TNFSF4: variants seen among roughly 807,000 people sequenced by gnomAD.
TNFSF4 encodes tumor necrosis factor ligand superfamily member 4.
Under a neutral mutation model 7.3 loss-of-function variants are expected in TNFSF4, and 4 were observed. That is an observed-to-expected ratio of 0.55 (90% CI 0.27 to 1.25). The LOEUF is 1.25. TNFSF4 is among the 50% of genes most tolerant of loss of function. TNFSF4 has a pLI of 0.12. For synonymous variants in TNFSF4, 76 were observed against 83.7 expected (o/e 0.91, Z 0.50); for missense variants, 181 against 208.8 (o/e 0.87, Z 0.82).
At chr1:173,342,814 A>C in the TNFSF4 span, among the ~76,000 whole-genome samples, 1 of 152,242 alleles carries the variant, frequency 6.6e-6, no homozygotes, top group Admixed American at 6.5e-5. Context: ...TGTCTTGGCC[A>C]AAGAGAAAAG....
the TNFSF4 span, among the ~76,000 whole-genome samples, chr1:173,230,724 C>A: frequency 6.6e-6 from 1 of 151,976 alleles, no homozygotes; most frequent in East Asian, 1.9e-4. Context: ...CAAATAGACA[C>A]AATAAAAAAT....
At chr1:173,400,799 C>A in the TNFSF4 span, among the ~76,000 whole-genome samples, 1 of 152,176 alleles carries the variant, frequency 6.6e-6, no homozygotes, top group East Asian at 1.9e-4. Flanking sequence ...GACAGAACTA[C>A]TAATGGCCCA....
the TNFSF4 span, among the ~76,000 whole-genome samples, chr1:173,337,178 G>A: frequency 6.6e-6 from 1 of 152,156 alleles, no homozygotes; most frequent in Non-Finnish European, 1.5e-5. Flanking sequence ...AGGCCCCTAG[G>A]ATTTTGGAGC....
At chr1:173,208,219 A>T (rs1233038356), upstream of TNFSF4, among the ~76,000 whole-genome samples, 1 of 152,218 alleles carries the variant, frequency 6.6e-6, no homozygotes, top group Admixed American at 6.5e-5. Context: ...GTAAAGTTCA[A>T]ATGGGCAAAT....
downstream of TNFSF4, among the ~76,000 whole-genome samples, chr1:173,180,215 A>G (rs1649027463): frequency 1.3e-5 from 2 of 152,074 alleles, no homozygotes; most frequent in Non-Finnish European, 2.9e-5. Flanking sequence ...TTTATTCCTG[A>G]TATATTTCAG....
At chr1:173,408,653 G>A in the TNFSF4 span, among the ~76,000 whole-genome samples, 3 of 151,410 alleles carry the variant, frequency 2.0e-5, no homozygotes, top group African/African-American at 7.3e-5. Flanking sequence ...GGAGTGCAGT[G>A]GCTCGATCAC....
intron 1 of TNFSF4, among the ~76,000 whole-genome samples, chr1:173,204,265 T>G (rs780258404): frequency 6.6e-6 from 1 of 152,218 alleles, no homozygotes; most frequent in Non-Finnish European, 1.5e-5. Context: ...GGAAGACATC[T>G]TATTGATCAT....
chr1:173,282,703 C>T, the TNFSF4 span, among the ~76,000 whole-genome samples: 583 of 152,188 alleles, frequency 3.8e-3, 9 homozygotes, highest in African/African-American at 0.013. Flanking sequence ...GTGATCCACC[C>T]ACCTTGGTCT....
chr1:173,328,094 G>A, the TNFSF4 span, among the ~76,000 whole-genome samples: 2 of 152,006 alleles, frequency 1.3e-5, no homozygotes, highest in African/African-American at 4.8e-5. Context: ...GCAAAGACTT[G>A]GAACCAACCC....
At chr1:173,450,412 C>T in the TNFSF4 span, among the ~76,000 whole-genome samples, 1 of 152,004 alleles carries the variant, frequency 6.6e-6, no homozygotes, top group African/African-American at 2.4e-5. Flanking sequence ...GGAAGGAACA[C>T]TTCTCAATTG....
the TNFSF4 span, among the ~76,000 whole-genome samples, chr1:173,285,078 C>T: frequency 6.6e-6 from 1 of 152,126 alleles, no homozygotes; most frequent in Non-Finnish European, 1.5e-5. Context: ...ATTCTAGACA[C>T]CATTAATTTT....
At chr1:173,427,425 G>C in the TNFSF4 span, among the ~76,000 whole-genome samples, 1 of 151,748 alleles carries the variant, frequency 6.6e-6, no homozygotes, top group Admixed American at 6.6e-5. Context: ...CCCCCCCACT[G>C]ACCCCACAAC....
At chr1:173,291,330 AT>A in the TNFSF4 span, among the ~76,000 whole-genome samples, 6 of 152,124 alleles carry the variant, frequency 3.9e-5, no homozygotes, top group Non-Finnish European at 8.8e-5. Context: ...CACCCTTATG[AT>A]CCAATCACCT....
At chr1:173,196,524 C>A (rs1649704513) in intron 1 of TNFSF4, among the ~76,000 whole-genome samples, 1 of 152,164 alleles carries the variant, frequency 6.6e-6, no homozygotes, top group Admixed American at 6.5e-5. Context: ...CCACTCTTCT[C>A]ATCGAGTCTA....
chr1:173,374,382 G>A, the TNFSF4 span, among the ~76,000 whole-genome samples: 2 of 152,098 alleles, frequency 1.3e-5, no homozygotes, highest in Admixed American at 6.5e-5. Context: ...ACCATACTCG[G>A]TAATCCTCTC....
the TNFSF4 span, among the ~76,000 whole-genome samples, chr1:173,435,518 T>A: frequency 1.3e-5 from 2 of 152,272 alleles, no homozygotes; most frequent in Admixed American, 6.5e-5. Context: ...TGAGCACACA[T>A]CTACAAGGCA....
the TNFSF4 span, among the ~76,000 whole-genome samples, chr1:173,237,511 T>C: frequency 9.2e-5 from 14 of 152,056 alleles, no homozygotes; most frequent in African/African-American, 3.1e-4. Flanking sequence ...GAAAATCCCA[T>C]AGTCTCAGCC....
Position 173,185,070 on chromosome 1 carries a change from C to A in TNFSF4, c.*1446G>T, listed in dbSNP as rs1649165927. On this transcript the variant is annotated 3_prime_UTR_variant, in exon 3 of 3. Transcript: ENST00000281834. Reference sequence around the variant, plus strand: ...TAGTGTAAGGGCGAACAGCCCTCCACCTTTCTGGAGATTCTAGAGATAATT... The same window carrying A: ...TAGTGTAAGGGCGAACAGCCCTCCAACTTTCTGGAGATTCTAGAGATAATT... The A allele has an allele frequency of 6.6e-6, 1 of 152,224 alleles. No homozygotes were observed. The highest frequency in any genetic ancestry group is 1.5e-5 in the Non-Finnish European group (1 of 68,040). 9.4% of individuals were successfully genotyped at this position (152,224 alleles called of 1,614,324 possible).
chr1:173,396,061 T>C, the TNFSF4 span, among the ~76,000 whole-genome samples: 3 of 152,178 alleles, frequency 2.0e-5, no homozygotes, highest in South Asian at 6.2e-4. Flanking sequence ...CACCTCTCTT[T>C]GCTTCTATAC....
Sources: gnomAD v4.1 joint callset for allele counts (sites outside exome capture counted in the v4.1 genomes callset) on GRCh38, gnomAD v4.1.1 for gene constraint, MANE v1.5 for transcripts, NCBI Gene and HGNC (gene_info 2026-07-23, HGNC 2026-07-21) for gene names.